Variants in CNTN6 observed in about 807,000 individuals in gnomAD.
CNTN6 encodes the protein contactin-6.
CNTN6 carries 137 observed loss-of-function variants against 122.8 expected under a neutral mutation model. The ratio of observed to expected loss-of-function variants is 1.12; its 90% CI spans 0.97 to 1.29. The LOEUF (loss-of-function observed/expected upper bound fraction) is 1.29. Among genes scored for constraint, CNTN6 ranks in the 50% most tolerant of loss-of-function variants. The probability of loss-of-function intolerance (pLI) is 0.00; values close to 1 mark genes in which losing one functional copy is unlikely to be tolerated. For missense variants in CNTN6, 1,634 were observed against 1,223.4 expected (o/e 1.34, Z -5.01); for synonymous variants, 570 against 426.0 (o/e 1.34, Z -4.16).
At chr3:1,340,407 C>T (rs1032395865) in intron 11 of CNTN6, among the ~76,000 whole-genome samples, 1 of 152,100 alleles carries the variant, frequency 6.6e-6, no homozygotes, top group African/African-American at 2.4e-5. Flanking sequence ...CTTATTTATT[C>T]ACATCAATAC....
chr3:1,384,772 C>CATATATAT (rs66929153), intron 19 of CNTN6, among the ~76,000 whole-genome samples: 91 of 120,920 alleles, frequency 7.5e-4, no homozygotes, highest in East Asian at 6.8e-4. Flanking sequence ...TATATATACA[C>CATATATAT]ATATATATAT....
rs111568206 is a variant in CNTN6 at position 1,111,259 on chromosome 3, A to G, written c.-83+18139A>G. Among the ~76,000 whole-genome samples the G allele has an allele frequency of 3.8e-3, 574 of 152,240 alleles. 4 individuals are homozygous for G. Among genetic ancestry groups the G allele is most frequent in the African/African-American group, 0.013 (549 of 41,558 alleles). On this transcript the variant is annotated intron_variant, in intron 1 of 22. Coordinates refer to ENST00000446702, the MANE Select transcript of CNTN6 (RefSeq NM_001289080.2). ...CCCCAGTGCTATTTAGCTCATTTCTATTGTCTACGCATTATATACAGTTCA... is the reference window on the plus strand; with the variant it reads ...CCCCAGTGCTATTTAGCTCATTTCTGTTGTCTACGCATTATATACAGTTCA...
chr3:1,372,848 G>C lies in CNTN6; in HGVS notation c.1679G>C (p.Gly560Ala), dbSNP rs1424069510. 2 of 1,593,812 alleles carry C rather than the reference G, an allele frequency of 1.3e-6. No individual in the cohort carries two copies. Among genetic ancestry groups the C allele is most frequent in the South Asian group, 1.1e-5 (1 of 89,342 alleles). The change falls in exon 14 of 23, where the codon GGG becomes GCG. Residue 560 changes from glycine to alanine, a missense_variant. Transcript: ENST00000446702. ...HFERIGGESV[G>A]DLMIRNIQLH... ...CCTTTCTGTCTGCAGGAATCTGTTG[G>C]GGATTTGATGATAAGGAATATTCAG...
intron 2 of CNTN6, among the ~76,000 whole-genome samples, chr3:1,158,875 TACACATATATAC>T (rs2093050077): frequency 1.0e-4 from 2 of 19,698 alleles, no homozygotes; most frequent in African/African-American, 1.3e-4. Flanking sequence ...CACATATATA[TACACATATATAC>T]ACACATATAT....
intron 11 of CNTN6, among the ~76,000 whole-genome samples, chr3:1,348,174 A>AAAAAAAAAAAAAAAAAAAAAAACAAT (rs1705052888): frequency 6.6e-6 from 1 of 150,702 alleles, no homozygotes; most frequent in Non-Finnish European, 1.5e-5. Context: ...AAAAAAAAAA[A>AAAAAAAAAAAAAAAAAAAAAAACAAT]AAGGACTTGG....
chr3:1,376,033 C>G (rs1302932371), intron 16 of CNTN6, among the ~76,000 whole-genome samples: 1 of 152,100 alleles, frequency 6.6e-6, no homozygotes, highest in African/African-American at 2.4e-5. Context: ...GCCTCCTCAA[C>G]CAACCACCTC....
chr3:1,285,886 G>T (rs185149969), intron 5 of CNTN6, among the ~76,000 whole-genome samples: 1 of 152,268 alleles, frequency 6.6e-6, no homozygotes, highest in East Asian at 1.9e-4. Flanking sequence ...CACACAGAGA[G>T]GTCTACTGAT....
intron 5 of CNTN6, among the ~76,000 whole-genome samples, chr3:1,284,343 A>G (rs756171614): frequency 6.0e-4 from 92 of 152,316 alleles, no homozygotes; most frequent in Non-Finnish European, 1.0e-3. Context: ...CCCTTCCTCC[A>G]GTTGGTGTGC....
In CNTN6 at chr3:1,202,528, C is replaced by G. The variant is rs537143238; in HGVS notation, c.56-18159C>G. Reference sequence around the variant, plus strand: ...CGCCCTCCAGCCTGGGCGACAGAGCCAGACTCCGTCTCAAAAAATAAATAA... The same window carrying G: ...CGCCCTCCAGCCTGGGCGACAGAGCGAGACTCCGTCTCAAAAAATAAATAA... On this transcript the variant is annotated intron_variant, in intron 2 of 22. Coordinates refer to ENST00000446702, the MANE Select transcript of CNTN6 (RefSeq NM_001289080.2). Among the ~76,000 whole-genome samples the G allele has an allele frequency of 1.8e-3, 254 of 142,512 alleles. 1 individual carries two copies. The highest frequency in any genetic ancestry group is 2.9e-3 in the Admixed American group (42 of 14,430). 93.5% of individuals were successfully genotyped at this position (142,512 alleles called of 152,430 possible). A position where few individuals can be genotyped will look rare whatever the true frequency, so the allele number is the denominator to read the frequency against.
chr3:1,136,064 C>T (rs564417686), intron 1 of CNTN6, among the ~76,000 whole-genome samples: 1 of 152,058 alleles, frequency 6.6e-6, no homozygotes, highest in South Asian at 2.1e-4. Context: ...TAAAACCCAC[C>T]CAATTTTCCT....
rs182031750 is a variant in CNTN6, at chr3:1,347,103, A to G, written c.1365-5221A>G. 8.7e-4 allele frequency among the ~76,000 whole-genome samples: 132 copies of G among 152,322 alleles called. 1 individual carries two copies. The highest frequency in any genetic ancestry group is 5.8e-3 in the Admixed American group (88 of 15,290). The stretch of plus-strand genomic sequence containing the variant: ...ACATGCTCTATATTCTAAAGCCACT[A>G]TAAAATCTACCCAGTGTCACTTAAC... On this transcript the variant is annotated intron_variant, in intron 11 of 22. Transcript: ENST00000446702.
chr3:1,381,159 C>T (rs564897221), intron 17 of CNTN6, among the ~76,000 whole-genome samples: 3 of 152,146 alleles, frequency 2.0e-5, no homozygotes, highest in African/African-American at 7.2e-5. Flanking sequence ...GATGAACTGA[C>T]TAAGCATCGT....
rs552430350 is a variant in CNTN6, at chr3:1,313,214, G to A, written c.762-8436G>A. Among the ~76,000 whole-genome samples, 26 of 152,194 alleles carry A rather than the reference G, an allele frequency of 1.7e-4. No homozygotes were observed. In the South Asian group the frequency reaches 4.8e-3, roughly 28 times the overall value. ...ATTAATAAAAAATTATAGACAAGCT[G>A]TTAGTGAACTGCTAAGTGCAGTATC... On this transcript the variant is annotated intron_variant, in intron 7 of 22. Transcript: ENST00000446702.
At chr3:1,366,517 T>A (rs1708242882) in intron 12 of CNTN6, among the ~76,000 whole-genome samples, 1 of 152,114 alleles carries the variant, frequency 6.6e-6, no homozygotes, top group African/African-American at 2.4e-5. Flanking sequence ...TTCTTAAGAA[T>A]TTAAGGTGTA....
At chr3:1,331,752 G>C (rs1291275601) in intron 11 of CNTN6, among the ~76,000 whole-genome samples, 1 of 151,382 alleles carries the variant, frequency 6.6e-6, no homozygotes, top group East Asian at 2.0e-4. Flanking sequence ...CCTTCCACAA[G>C]CTTTAAAGGT....
At chr3:1,123,016 G>A (rs745910273) in intron 1 of CNTN6, among the ~76,000 whole-genome samples, 5 of 151,800 alleles carry the variant, frequency 3.3e-5, no homozygotes, top group East Asian at 1.9e-4. Flanking sequence ...ACCACAAAAC[G>A]TTTCCAGTAC....
intron 7 of CNTN6, among the ~76,000 whole-genome samples, chr3:1,317,789 C>T (rs879234620): frequency 6.6e-6 from 1 of 151,240 alleles, no homozygotes; most frequent in Non-Finnish European, 1.5e-5. Flanking sequence ...TATGGCAAGA[C>T]CTGAATTATG....
chr3:1,133,814 A>G (rs2092400620), intron 1 of CNTN6, among the ~76,000 whole-genome samples: 1 of 152,118 alleles, frequency 6.6e-6, no homozygotes, highest in Non-Finnish European at 1.5e-5. Context: ...TTAGGGAAAC[A>G]TGTGTTCTCA....
chr3:1,320,798 T>C (rs886198807), intron 7 of CNTN6, among the ~76,000 whole-genome samples: 2 of 151,854 alleles, frequency 1.3e-5, no homozygotes, highest in East Asian at 3.9e-4. Context: ...TTCTAAACCA[T>C]TAATTTCTAA....
Sources: allele counts gnomAD v4.1 joint callset (sites outside exome capture counted in the v4.1 genomes callset), GRCh38; gene constraint gnomAD v4.1.1; transcripts MANE v1.5; gene names NCBI Gene and HGNC (gene_info 2026-07-23, HGNC 2026-07-21).